FSTL4: variants seen among roughly 807,000 people sequenced by gnomAD.
FSTL4 encodes follistatin like 4, also known as follistatin-related protein 4.
FSTL4 carries 28 observed loss-of-function variants against 78.2 expected under a neutral mutation model. The observed-to-expected ratio is 0.36, with a 90% CI of 0.27 to 0.49. The LOEUF (loss-of-function observed/expected upper bound fraction) is 0.49. Among genes scored for constraint, FSTL4 ranks in the 20% least tolerant of loss-of-function variants. The pLI is 0.98. For missense variants in FSTL4, 922 were observed against 1,084.9 expected (o/e 0.85, Z 2.11); for synonymous variants, 422 against 440.5 (o/e 0.96, Z 0.53).
the FSTL4 span, among the ~76,000 whole-genome samples, chr5:133,753,618 A>T: frequency 6.6e-6 from 1 of 151,862 alleles, no homozygotes; most frequent in Non-Finnish European, 1.5e-5. Context: ...ACCACTCAAT[A>T]ACTATTTGAC....
intron 3 of FSTL4, among the ~76,000 whole-genome samples, chr5:133,521,044 A>ATT (rs35190273): frequency 1.3e-5 from 2 of 151,588 alleles, no homozygotes; most frequent in African/African-American, 2.4e-5. Context: ...CCTTAAAGAA[A>ATT]TTTTTTTTTC....
chr5:133,455,412 C>T (rs25874), intron 3 of FSTL4, among the ~76,000 whole-genome samples: 40,196 of 152,012 alleles, frequency 0.26, 6,245 homozygotes, highest in Admixed American at 0.35. Flanking sequence ...AACTTCTGGG[C>T]GAAGGTAAAA....
At chr5:133,275,765 C>G (rs1243450316) in intron 6 of FSTL4, 1 of 152,120 alleles carries the variant, frequency 6.6e-6, no homozygotes, top group Non-Finnish European at 1.5e-5. Context: ...GCTTAAAGAG[C>G]TAAGGAGACT....
rs957692369 is a variant in FSTL4, at chr5:133,554,265, T to TG, written c.160+12920dup. Among the ~76,000 whole-genome samples the TG allele has an allele frequency of 1.1e-4, 17 of 151,972 alleles. No homozygotes were observed. The East Asian group carries it at 1.9e-3, about 17-fold the overall frequency. On this transcript the variant is annotated intron_variant, in intron 3 of 15. Transcript: ENST00000265342. ...AATCCAGACAGAGAGCCTGGGGAGATGGGGGGGAGGTGCCTGGACCACAGT... is the reference window on the plus strand; with the variant it reads ...AATCCAGACAGAGAGCCTGGGGAGATGGGGGGGGAGGTGCCTGGACCACAGT...
chr5:133,796,880 C>A, the FSTL4 span, among the ~76,000 whole-genome samples: 4 of 151,830 alleles, frequency 2.6e-5, no homozygotes, highest in Non-Finnish European at 5.9e-5. Context: ...AAGTGTTTCC[C>A]CCTCCTGTCT....
At chr5:133,658,187 T>C in the FSTL4 span, among the ~76,000 whole-genome samples, 1 of 152,188 alleles carries the variant, frequency 6.6e-6, no homozygotes, top group Non-Finnish European at 1.5e-5. Context: ...TAATACCATA[T>C]TTAGGATTTT....
chr5:133,262,409 T>C (rs12109097), intron 6 of FSTL4, among the ~76,000 whole-genome samples: 6,220 of 152,300 alleles, frequency 0.041, 420 homozygotes, highest in African/African-American at 0.14. Context: ...CTAATTGTAA[T>C]AGAGTGAAAT....
At chr5:133,577,442 C>G (rs26357) in intron 2 of FSTL4, among the ~76,000 whole-genome samples, 11,689 of 152,086 alleles carry the variant, frequency 0.077, 514 homozygotes, top group Non-Finnish European at 0.097. Context: ...GGTAGATGGG[C>G]TTACTGCCTT....
intron 6 of FSTL4, among the ~76,000 whole-genome samples, chr5:133,311,721 C>T (rs1753790648): frequency 6.6e-6 from 1 of 152,128 alleles, no homozygotes; most frequent in Non-Finnish European, 1.5e-5. Flanking sequence ...ACTCAGTGCC[C>T]CTGGGGGTGG....
chr5:133,259,637 C>T (rs1752469984), intron 6 of FSTL4, among the ~76,000 whole-genome samples: 1 of 149,628 alleles, frequency 6.7e-6, no homozygotes, highest in South Asian at 2.1e-4. Flanking sequence ...ACATGATTTG[C>T]ATGCTAAAGG....
intron 7 of FSTL4, chr5:133,247,285 A>C (rs749981653): frequency 6.6e-6 from 1 of 152,206 alleles, no homozygotes; most frequent in Non-Finnish European, 1.5e-5. Flanking sequence ...CAAATTGCTA[A>C]CCTTATTGTG....
chr5:133,203,519 A>T (rs1750394558), intron 14 of FSTL4, among the ~76,000 whole-genome samples: 1 of 152,130 alleles, frequency 6.6e-6, no homozygotes, highest in African/African-American at 2.4e-5. Flanking sequence ...GAGTGATGCA[A>T]GCCATGATTT....
At chr5:133,508,093 G>A (rs1758649036) in intron 3 of FSTL4, among the ~76,000 whole-genome samples, 2 of 152,160 alleles carry the variant, frequency 1.3e-5, no homozygotes, top group Non-Finnish European at 2.9e-5. Context: ...ATGAGTGTGG[G>A]CCCTCTAATT....
At chr5:133,825,822 G>C in the FSTL4 span, among the ~76,000 whole-genome samples, 2 of 152,320 alleles carry the variant, frequency 1.3e-5, no homozygotes, top group Non-Finnish European at 2.9e-5. Flanking sequence ...TCTGATTACC[G>C]TCAGAGCTGC....
chr5:133,300,561 G>T (rs1318598598), intron 6 of FSTL4, among the ~76,000 whole-genome samples: 2 of 152,200 alleles, frequency 1.3e-5, no homozygotes, highest in Non-Finnish European at 2.9e-5. Flanking sequence ...TCCTCCGAAG[G>T]CTGTCAGCCT....
At chr5:133,353,006 A>G (rs1754863729) in intron 4 of FSTL4, among the ~76,000 whole-genome samples, 1 of 152,220 alleles carries the variant, frequency 6.6e-6, no homozygotes, top group Non-Finnish European at 1.5e-5. Flanking sequence ...TTTAAATGGA[A>G]AACAGCAGAT....
chr5:133,423,595 G>A (rs958805046), intron 3 of FSTL4, among the ~76,000 whole-genome samples: 1 of 152,210 alleles, frequency 6.6e-6, no homozygotes, highest in African/African-American at 2.4e-5. Context: ...TCGAGGGGTG[G>A]TGGGGATGAT....
At chr5:133,575,887 T>A (rs1032043760) in intron 2 of FSTL4, among the ~76,000 whole-genome samples, 1 of 152,246 alleles carries the variant, frequency 6.6e-6, no homozygotes, top group Non-Finnish European at 1.5e-5. Flanking sequence ...AATTTTAGAT[T>A]TTTCATTCAC....
chr5:133,341,922 T>A (rs1304862866), intron 4 of FSTL4, among the ~76,000 whole-genome samples: 1 of 152,164 alleles, frequency 6.6e-6, no homozygotes, highest in Admixed American at 6.5e-5. Flanking sequence ...AGAGAGCTAG[T>A]AGCTTTGCCA....
Sources: gnomAD v4.1 joint callset for allele counts (sites outside exome capture counted in the v4.1 genomes callset) on GRCh38, gnomAD v4.1.1 for gene constraint, MANE v1.5 for transcripts, NCBI Gene and HGNC (gene_info 2026-07-23, HGNC 2026-07-21) for gene names.